Variants in PLCZ1 observed in about 807,000 individuals in gnomAD.
PLCZ1 encodes the protein 1-phosphatidylinositol 4,5-bisphosphate phosphodiesterase zeta-1.
Under a neutral mutation model 76.8 loss-of-function variants are expected in PLCZ1, and 64 were observed. The ratio of observed to expected loss-of-function variants is 0.83; its 90% CI spans 0.68 to 1.03. PLCZ1 has a LOEUF of 1.03. Among genes scored for constraint, PLCZ1 ranks in the 50% least tolerant of loss-of-function variants. The probability of loss-of-function intolerance (pLI) is 0.00; values close to 1 mark genes in which losing one functional copy is unlikely to be tolerated. For missense variants in PLCZ1, 751 were observed against 713.7 expected (o/e 1.05, Z -0.60); for synonymous variants, 248 against 230.8 (o/e 1.07, Z -0.68).
downstream of PLCZ1, among the ~76,000 whole-genome samples, chr12:18,681,355 C>T (rs1952396970): frequency 6.6e-6 from 1 of 152,020 alleles, no homozygotes; most frequent in African/African-American, 2.4e-5. Flanking sequence ...GCCACAGTCT[C>T]AAGGGTTCAT....
chr12:18,709,289 T>A (rs1309829958), intron 6 of PLCZ1, among the ~76,000 whole-genome samples: 2 of 152,178 alleles, frequency 1.3e-5, no homozygotes, highest in African/African-American at 4.8e-5. Context: ...TACCATTTTG[T>A]CTTCTTGGTC....
intron 4 of PLCZ1, among the ~76,000 whole-genome samples, chr12:18,722,055 A>G (rs1316131191): frequency 6.6e-6 from 1 of 152,000 alleles, no homozygotes; most frequent in African/African-American, 2.4e-5. Context: ...ATTCAGATTT[A>G]ATGCTTCCCT....
At chr12:18,732,651 T>C (rs188851905) in intron 3 of PLCZ1, among the ~76,000 whole-genome samples, 1 of 152,306 alleles carries the variant, frequency 6.6e-6, no homozygotes, top group East Asian at 1.9e-4. Flanking sequence ...CCCTGGTAAC[T>C]ATCATTCAAC....
At chr12:18,721,680 T>A (rs1266179013) in intron 4 of PLCZ1, among the ~76,000 whole-genome samples, 24 of 148,562 alleles carry the variant, frequency 1.6e-4, no homozygotes, top group African/African-American at 6.0e-4. Context: ...AGAACATAAA[T>A]CAATTCACTA....
chr12:18,661,383 AGAG>A, the PLCZ1 span, among the ~76,000 whole-genome samples: 1 of 152,046 alleles, frequency 6.6e-6, no homozygotes, highest in Non-Finnish European at 1.5e-5. Flanking sequence ...AAAAAGAGAG[AGAG>A]AGAATCTTGA....
the PLCZ1 span, among the ~76,000 whole-genome samples, chr12:18,651,423 T>A: frequency 6.6e-6 from 1 of 152,190 alleles, no homozygotes; most frequent in African/African-American, 2.4e-5. Flanking sequence ...TTGAATATTT[T>A]ATATAATTTA....
chr12:18,658,903 T>C, the PLCZ1 span, among the ~76,000 whole-genome samples: 37 of 152,240 alleles, frequency 2.4e-4, no homozygotes, highest in Non-Finnish European at 5.1e-4. Flanking sequence ...AAAAATGAGA[T>C]TTTTGTATTT....
downstream of PLCZ1, among the ~76,000 whole-genome samples, chr12:18,681,335 ATCT>A (rs1225553663): frequency 6.6e-6 from 1 of 152,026 alleles, no homozygotes; most frequent in African/African-American, 2.4e-5. Context: ...AGTTTAAAAA[ATCT>A]TCTGTTGCCA....
the PLCZ1 span, among the ~76,000 whole-genome samples, chr12:18,661,681 T>C: frequency 6.6e-6 from 1 of 152,122 alleles, no homozygotes; most frequent in Non-Finnish European, 1.5e-5. Context: ...AAGGGGATGC[T>C]TATACACTGC....
the PLCZ1 span, chr12:18,647,868 G>T: frequency 2.7e-6 from 4 of 1,464,232 alleles, no homozygotes; most frequent in East Asian, 2.5e-5. Context: ...TATTTTCTCC[G>T]TTTTTAGGTA....
chr12:18,716,874 T>G (rs920634037), intron 5 of PLCZ1, among the ~76,000 whole-genome samples: 5 of 152,224 alleles, frequency 3.3e-5, no homozygotes, highest in Non-Finnish European at 7.3e-5. Flanking sequence ...TTTTGGTACA[T>G]TAAGATATTG....
chr12:18,672,260 G>T, the PLCZ1 span, among the ~76,000 whole-genome samples: 1 of 152,064 alleles, frequency 6.6e-6, no homozygotes, highest in Non-Finnish European at 1.5e-5. Context: ...AAATACAACT[G>T]TCTTATTCTA....
intron 6 of PLCZ1, among the ~76,000 whole-genome samples, chr12:18,710,791 C>T (rs994823790): frequency 6.6e-6 from 1 of 152,152 alleles, no homozygotes; most frequent in South Asian, 2.1e-4. Flanking sequence ...AAATGCTCAT[C>T]ATCACTGGCC....
rs1490477526 is a variant in PLCZ1, at chr12:18,692,967, A to G, written c.1461+1943T>C. 46 of 1,451,364 alleles carry G rather than the reference A, an allele frequency of 3.2e-5. No individual in the cohort carries two copies. The South Asian group carries it at 4.9e-4, about 15-fold the overall frequency. The allele number at this position is 1,451,364 out of a possible 1,614,324, so 89.9% of individuals were successfully genotyped here. The stretch of plus-strand genomic sequence containing the variant: ...CACTCAGTGCCAGTTAAAATTACTG[A>G]AGTTAGAGAGAATTAAAGACTATCT... On this transcript the variant is annotated intron_variant, in intron 12 of 14. Transcript: ENST00000266505.
At chr12:18,697,312 A>C (rs1955205190) in intron 10 of PLCZ1, among the ~76,000 whole-genome samples, 1 of 152,154 alleles carries the variant, frequency 6.6e-6, no homozygotes, top group Non-Finnish European at 1.5e-5. Context: ...ATTTATTTTC[A>C]AAAGTTACAC....
rs1954463569 is a variant in PLCZ1, at chr12:18,693,511, C to A, written c.1461+1399G>T. The A allele has an allele frequency of 2.5e-6, 4 of 1,611,192 alleles. No individual in the cohort carries two copies. The South Asian group carries it at 3.3e-5, about 13-fold the overall frequency. ...AAGCAGTAGCAAACCAAACCTCAGC[C>A]ACTTTCTTGAGAGTGGTTGGCTCTG... On this transcript the variant is annotated intron_variant, in intron 12 of 14. Coordinates refer to ENST00000266505, the MANE Select transcript of PLCZ1 (RefSeq NM_033123.4).
intron 6 of PLCZ1, among the ~76,000 whole-genome samples, chr12:18,710,977 G>A (rs1455129725): frequency 2.0e-5 from 3 of 152,002 alleles, no homozygotes; most frequent in Non-Finnish European, 2.9e-5. Flanking sequence ...TCAGTGTGGC[G>A]ATTCCTCAGG....
At chr12:18,650,738 A>G in the PLCZ1 span, among the ~76,000 whole-genome samples, 73 of 30,808 alleles carry the variant, frequency 2.4e-3, no homozygotes, top group African/African-American at 7.4e-3. Flanking sequence ...ATATATATAT[A>G]TATATATATA....
the PLCZ1 span, among the ~76,000 whole-genome samples, chr12:18,648,682 T>C: frequency 6.6e-6 from 1 of 152,110 alleles, no homozygotes. Context: ...TGGTTATGCC[T>C]GGACTCCAAG....
Sources: gnomAD v4.1 joint callset for allele counts (sites outside exome capture counted in the v4.1 genomes callset) on GRCh38, gnomAD v4.1.1 for gene constraint, MANE v1.5 for transcripts, NCBI Gene and HGNC (gene_info 2026-07-23, HGNC 2026-07-21) for gene names.